The following CRACD variants were observed in gnomAD, a reference collection of about 807,000 sequenced individuals.
CRACD encodes the protein capping protein inhibiting regulator of actin dynamics.
CRACD carries 56 observed loss-of-function variants against 106.8 expected under a neutral mutation model. The ratio of observed to expected loss-of-function variants is 0.52; its 90% confidence interval spans 0.42 to 0.66. The LOEUF is 0.66. CRACD is among the 30% of genes least tolerant of loss of function. CRACD has a pLI of 0.00. For missense variants in CRACD, 1,730 were observed against 1,623.2 expected, an observed-to-expected ratio of 1.07 and a Z score of -1.13; for synonymous variants, 754 against 670.8, an observed-to-expected ratio of 1.12 and a Z score of -1.92.
At chr4:56,146,064 G>A (rs1564298) in intron 1 of CRACD, among the ~76,000 whole-genome samples, 64,601 of 151,934 alleles carry the variant, frequency 0.43, 14,528 homozygotes, top group African/African-American at 0.57. Context: ...TGCATATACC[G>A]TTGACTTCAT....
At chr4:56,079,606 C>T (rs7659294) in intron 1 of CRACD, among the ~76,000 whole-genome samples, 48,474 of 151,622 alleles carry the variant, frequency 0.32, 8,176 homozygotes, top group African/African-American at 0.43. Context: ...CCATCATGCC[C>T]GTCTAATTTT....
At chr4:56,175,396 G>A (rs1736541147) in intron 1 of CRACD, among the ~76,000 whole-genome samples, 1 of 152,050 alleles carries the variant, frequency 6.6e-6, no homozygotes, top group South Asian at 2.1e-4. Context: ...TCTTATTGTG[G>A]TTTTTGATTT....
intron 1 of CRACD, among the ~76,000 whole-genome samples, chr4:56,060,163 T>C (rs114894182): frequency 6.6e-6 from 1 of 152,312 alleles, no homozygotes; most frequent in African/African-American, 2.4e-5. Flanking sequence ...TGCAGTCAGT[T>C]AGGATGTTGG....
chr4:56,137,278 A>G (rs576367083), intron 1 of CRACD, among the ~76,000 whole-genome samples: 1 of 152,218 alleles, frequency 6.6e-6, no homozygotes, highest in East Asian at 1.9e-4. Flanking sequence ...CTTCAAAGAA[A>G]AAAAAAAAGA....
intron 1 of CRACD, 147 bp downstream of exon 1, chr4:56,049,446 C>CGGGCGGT (rs1243255418): frequency 6.6e-6 from 1 of 152,002 alleles, no homozygotes; most frequent in African/African-American, 2.4e-5. Context: ...CTCGGCGCGG[C>CGGGCGGT]GGGCGGTGGG....
At chr4:56,244,259 TG>T (rs1314010120) in intron 2 of CRACD, among the ~76,000 whole-genome samples, 2 of 152,184 alleles carry the variant, frequency 1.3e-5, no homozygotes, top group Admixed American at 1.3e-4. Context: ...AATGATGTTA[TG>T]GGCCTGATAA....
intron 3 of CRACD, among the ~76,000 whole-genome samples, chr4:56,295,278 A>G (rs1484437567): frequency 1.3e-5 from 2 of 152,176 alleles, no homozygotes; most frequent in Non-Finnish European, 2.9e-5. Context: ...ATATATCAAA[A>G]AGATTCTGAT....
chr4:56,276,713 A>T (rs947537257), intron 3 of CRACD, among the ~76,000 whole-genome samples: 1 of 152,196 alleles, frequency 6.6e-6, no homozygotes, highest in Non-Finnish European at 1.5e-5. Context: ...CTGCAGCCTC[A>T]CTAGGGAGCT....
At chr4:56,184,400 G>A (rs977192971) in intron 2 of CRACD, among the ~76,000 whole-genome samples, 13 of 152,294 alleles carry the variant, frequency 8.5e-5, no homozygotes, top group African/African-American at 3.1e-4. Context: ...CTGGAAGTGT[G>A]TGGAAATAGC....
At chr4:56,164,204 G>C (rs1008195287) in intron 1 of CRACD, among the ~76,000 whole-genome samples, 1 of 150,170 alleles carries the variant, frequency 6.7e-6, no homozygotes, top group African/African-American at 2.5e-5. Flanking sequence ...GCGCAATTTC[G>C]GCTCACTGCA....
intron 1 of CRACD, among the ~76,000 whole-genome samples, chr4:56,061,472 C>T (rs907691911): frequency 1.3e-5 from 2 of 151,786 alleles, no homozygotes; most frequent in African/African-American, 4.8e-5. Flanking sequence ...CTATGCCTGG[C>T]CCAAATATCT....
intron 1 of CRACD, among the ~76,000 whole-genome samples, chr4:56,171,635 C>A (rs1297295937): frequency 6.6e-6 from 1 of 152,044 alleles, no homozygotes; most frequent in African/African-American, 2.4e-5. Flanking sequence ...GGACAATTTG[C>A]CACTGAAGTT....
intron 2 of CRACD, among the ~76,000 whole-genome samples, chr4:56,256,526 C>T (rs1180623296): frequency 6.6e-6 from 1 of 152,196 alleles, no homozygotes; most frequent in Non-Finnish European, 1.5e-5. Context: ...GAATGCTTAA[C>T]CATGGGCCAC....
intron 1 of CRACD, among the ~76,000 whole-genome samples, chr4:56,155,399 C>T (rs1382181660): frequency 6.6e-6 from 1 of 152,160 alleles, no homozygotes; most frequent in African/African-American, 2.4e-5. Context: ...CTGCAAATGA[C>T]ATGGAACCCG....
chr4:56,094,317 A>G (rs1577958540), intron 1 of CRACD, among the ~76,000 whole-genome samples: 1 of 152,042 alleles, frequency 6.6e-6, no homozygotes, highest in African/African-American at 2.4e-5. Context: ...TCCATTGGCT[A>G]CTGCAGTCTT....
chr4:56,160,811 C>G (rs1049350226), intron 1 of CRACD, among the ~76,000 whole-genome samples: 2 of 152,244 alleles, frequency 1.3e-5, no homozygotes, highest in Non-Finnish European at 2.9e-5. Context: ...ACCTCTGCCT[C>G]TGGTGCAGCT....
intron 1 of CRACD, among the ~76,000 whole-genome samples, chr4:56,090,100 T>C (rs1282499320): frequency 6.6e-6 from 1 of 152,048 alleles, no homozygotes; most frequent in East Asian, 1.9e-4. Flanking sequence ...ATATTCTGCC[T>C]TCCTTAATCA....
Position 56,316,442 on chromosome 4 carries a change from G to A in CRACD, c.2940G>A (p.Leu980=). ...QTPPASPLSK[L]SRPYLVELLS... is the part of the protein sequence containing the mutation. ...CACCAGCATCCCCACTTTCCAAACT[G>A]AGCAGGCCCTACTTGGTAGAGCTGC... Residue 980 remains leucine (L), a synonymous_variant, in exon 8 of 11, where the codon CTG becomes CTA. Coordinates refer to ENST00000682029, the MANE Select transcript of CRACD (RefSeq NM_001393381.1). 1 of 1,614,116 alleles carries A rather than the reference G, an allele frequency of 6.2e-7. No homozygotes were observed. The highest frequency in any genetic ancestry group is 8.5e-7 in the Non-Finnish European group (1 of 1,179,966).
At chr4:56,055,078 G>A (rs921974151) in intron 1 of CRACD, among the ~76,000 whole-genome samples, 1 of 152,174 alleles carries the variant, frequency 6.6e-6, no homozygotes, top group Admixed American at 6.5e-5. Flanking sequence ...ACGGTTGTTA[G>A]AATAGAGTTT....
Sources: gnomAD v4.1 joint callset for allele counts (sites outside exome capture counted in the v4.1 genomes callset) on GRCh38, gnomAD v4.1.1 for gene constraint, MANE v1.5 for transcripts, NCBI Gene and HGNC (gene_info 2026-07-23, HGNC 2026-07-21) for gene names.